Variants in TFB1M observed in about 807,000 individuals in gnomAD.
The protein encoded by TFB1M is transcription factor B1, mitochondrial.
A neutral mutation model predicts 31.1 loss-of-function variants in TFB1M; 27 were observed. The observed-to-expected ratio is 0.87, with a 90% CI of 0.64 to 1.20. The LOEUF is 1.20. Ranked by LOEUF, TFB1M falls within the 50% of genes most tolerant of loss-of-function variation. The pLI is 0.00. For missense variants in TFB1M, 394 were observed against 418.7 expected (o/e 0.94, Z 0.51); for synonymous variants, 166 against 151.8 (o/e 1.09, Z -0.69).
At chr6:155,251,429 G>T (rs1283685682), downstream of TFB1M, among the ~76,000 whole-genome samples, 1 of 152,158 alleles carries the variant, frequency 6.6e-6, no homozygotes, top group Non-Finnish European at 1.5e-5. Flanking sequence ...TGGGATTACA[G>T]GTGCTCGCCA....
At chr6:155,254,290 A>ACTG (rs1783863352), downstream of TFB1M, 6 of 1,257,112 alleles carry the variant, frequency 4.8e-6, no homozygotes, top group Non-Finnish European at 6.7e-6. Flanking sequence ...GCCACATGGC[A>ACTG]CTGCTGCTGG....
intron 4 of TFB1M, among the ~76,000 whole-genome samples, chr6:155,292,203 G>T (rs1376055220): frequency 6.6e-6 from 1 of 152,144 alleles, no homozygotes; most frequent in Non-Finnish European, 1.5e-5. Flanking sequence ...GATCTGGGAG[G>T]CCTCGGCAGG....
downstream of TFB1M, chr6:155,252,853 C>A: frequency 1.7e-6 from 2 of 1,162,714 alleles, no homozygotes; most frequent in East Asian, 2.4e-5. Flanking sequence ...GGAGACTCGC[C>A]CACAGGGAGA....
chr6:155,269,091 G>T (rs1288859313), intron 5 of TFB1M, among the ~76,000 whole-genome samples: 1 of 151,152 alleles, frequency 6.6e-6, no homozygotes, highest in Non-Finnish European at 1.5e-5. Flanking sequence ...ATGCTGATAT[G>T]TAAAGCTACA....
chr6:155,245,760 T>TTG, the TFB1M span: 1 of 1,447,648 alleles, frequency 6.9e-7, no homozygotes. Flanking sequence ...TTATAGTTTT[T>TTG]TTTTTTTTTT....
chr6:155,270,760 G>A (rs1024086777), intron 5 of TFB1M, among the ~76,000 whole-genome samples: 1 of 152,174 alleles, frequency 6.6e-6, no homozygotes, highest in African/African-American at 2.4e-5. Flanking sequence ...TAACAACCAT[G>A]GCGACCAGCG....
the TFB1M span, among the ~76,000 whole-genome samples, chr6:155,238,478 G>A: frequency 2.6e-5 from 4 of 152,210 alleles, no homozygotes; most frequent in Non-Finnish European, 4.4e-5. Flanking sequence ...AAAGAGAAGC[G>A]ATTCTACTGA....
intron 5 of TFB1M, among the ~76,000 whole-genome samples, chr6:155,265,757 A>G (rs1740651687): frequency 6.9e-6 from 1 of 145,368 alleles, no homozygotes; most frequent in Admixed American, 6.9e-5. Flanking sequence ...TATATAATAT[A>G]TATTTAATAT....
chr6:155,305,736 AT>A (rs1283585796), intron 2 of TFB1M, among the ~76,000 whole-genome samples: 1 of 103,424 alleles, frequency 9.7e-6, no homozygotes, highest in African/African-American at 3.8e-5. Context: ...TATATATTAA[AT>A]TATATATTTA....
chr6:155,273,938 T>A (rs894018534), intron 5 of TFB1M, among the ~76,000 whole-genome samples: 1 of 152,318 alleles, frequency 6.6e-6, no homozygotes. Flanking sequence ...TAAACATCAA[T>A]TGTCACAATA....
intron 5 of TFB1M, among the ~76,000 whole-genome samples, chr6:155,265,372 AG>A (rs1484390303): frequency 4.6e-5 from 7 of 152,264 alleles, no homozygotes; most frequent in Admixed American, 4.6e-4. Flanking sequence ...ACTGAGAAAT[AG>A]AACATGCATA....
At chr6:155,304,688 T>C (rs893201264) in intron 2 of TFB1M, among the ~76,000 whole-genome samples, 3 of 147,282 alleles carry the variant, frequency 2.0e-5, no homozygotes, top group African/African-American at 7.5e-5. Context: ...TGTCAGAAAC[T>C]TTTTGCAATG....
intron 5 of TFB1M, chr6:155,260,892 A>G (rs1334074490): frequency 4.3e-6 from 1 of 231,996 alleles, no homozygotes; most frequent in Non-Finnish European, 8.6e-6. Context: ...AGCTGGACTG[A>G]ATTCATGAGT....
rs187419422 is a variant in TFB1M, at chr6:155,314,080, C to A, written c.133+216G>T. 1.9e-3 allele frequency: 2,790 copies of A among 1,439,204 alleles called. 4 individuals carry two copies. The highest frequency in any genetic ancestry group is 6.2e-3 in the Middle Eastern group (24 of 3,868). 89.2% of individuals were successfully genotyped at this position (1,439,204 alleles called of 1,614,324 possible). On this transcript the variant is annotated intron_variant, in intron 1 of 6. Coordinates refer to ENST00000367166, the MANE Select transcript of TFB1M (RefSeq NM_016020.4). ...TATGCAGCCTGCCGGCAGGCTACAC[C>A]CCCCCGAACGCGGAGTTTTGTGAGC...
chr6:155,290,833 A>G (rs938413970), intron 4 of TFB1M, among the ~76,000 whole-genome samples: 2 of 152,172 alleles, frequency 1.3e-5, no homozygotes, highest in African/African-American at 4.8e-5. Flanking sequence ...AATAAGAAAT[A>G]TATTTGGACT....
chr6:155,314,297 T>A lies in TFB1M; in HGVS notation c.132A>T (p.Thr44=). ...GGGGAGCACTGCTAAGCCATCCACC[T>A]GTCAGCCTCAAGTCCAGGAGGAAAT... ...SQNFLLDLRL[T]DKIVRKAGNL... The change falls in exon 1 of 7, where the codon ACA becomes ACT. Residue 44 remains threonine (T), a splice_region_variant and synonymous_variant. Coordinates refer to ENST00000367166, the MANE Select transcript of TFB1M (RefSeq NM_016020.4). 3 of 1,613,958 alleles carry A rather than the reference T, an allele frequency of 1.9e-6. No individual in the cohort carries two copies. The highest frequency in any genetic ancestry group is 2.5e-6 in the Non-Finnish European group (3 of 1,179,918).
At chr6:155,241,366 C>G in the TFB1M span, among the ~76,000 whole-genome samples, 3 of 152,182 alleles carry the variant, frequency 2.0e-5, no homozygotes, top group African/African-American at 4.8e-5. Context: ...ATTTGAAGCT[C>G]GCTTCATTTG....
At position 155,274,691 on chromosome 6, in the gene TFB1M, T is replaced by C. The variant is rs1408755; in HGVS notation, c.666+10467A>G. ...TCAGTCAGGATTTTGCAAACAGGTA[T>C]TAACTAGAACTTAGGGATAACCATG... On this transcript the variant is annotated intron_variant, in intron 5 of 6. Transcript: ENST00000367166. Among the ~76,000 whole-genome samples, 1,371 of 152,342 alleles carry C rather than the reference T, an allele frequency of 9.0e-3. 29 individuals carry two copies. Among genetic ancestry groups the C allele is most frequent in the African/African-American group, 0.031 (1,272 of 41,568 alleles).
intron 5 of TFB1M, among the ~76,000 whole-genome samples, chr6:155,279,213 CT>C (rs11400763): frequency 6.4e-4 from 95 of 147,672 alleles, no homozygotes; most frequent in Middle Eastern, 3.4e-3. Flanking sequence ...AAATATCATA[CT>C]TTTTTTTTTT....
Sources: gnomAD v4.1 joint callset for allele counts (sites outside exome capture counted in the v4.1 genomes callset) on GRCh38, gnomAD v4.1.1 for gene constraint, MANE v1.5 for transcripts, NCBI Gene and HGNC (gene_info 2026-07-23, HGNC 2026-07-21) for gene names.